Variants in DSCAML1 observed in about 807,000 individuals in gnomAD.
The protein encoded by DSCAML1 is cell adhesion molecule DSCAML1.
DSCAML1 carries 38 observed loss-of-function variants against 200.5 expected under a neutral mutation model. The ratio of observed to expected loss-of-function variants is 0.19; its 90% CI spans 0.15 to 0.25. The LOEUF is 0.25. Ranked by LOEUF, DSCAML1 falls within the 10% of genes least tolerant of loss-of-function variation. The pLI is 1.00. For missense variants in DSCAML1, 2,223 were observed against 2,858.8 expected (o/e 0.78, Z 5.07); for synonymous variants, 1,215 against 1,165.0 (o/e 1.04, Z -0.87).
At chr11:117,773,959 T>A (rs1291017169) in intron 3 of DSCAML1, among the ~76,000 whole-genome samples, 1 of 152,212 alleles carries the variant, frequency 6.6e-6, no homozygotes, top group African/African-American at 2.4e-5. Context: ...ACTTTCCTGA[T>A]AATTATGCCC....
At chr11:117,687,944 G>A (rs778912805) in intron 3 of DSCAML1, among the ~76,000 whole-genome samples, 14 of 152,190 alleles carry the variant, frequency 9.2e-5, no homozygotes, top group Non-Finnish European at 1.3e-4. Flanking sequence ...TAACAAGGAT[G>A]TCTATGGGGA....
chr11:117,688,543 G>C (rs1257194505), intron 3 of DSCAML1, among the ~76,000 whole-genome samples: 1 of 152,196 alleles, frequency 6.6e-6, no homozygotes, highest in Non-Finnish European at 1.5e-5. Flanking sequence ...CTATCTTTAA[G>C]GGAGGCAGGA....
At chr11:117,588,967 C>G (rs1257320124) in intron 3 of DSCAML1, among the ~76,000 whole-genome samples, 1 of 152,192 alleles carries the variant, frequency 6.6e-6, no homozygotes, top group African/African-American at 2.4e-5. Context: ...GAAAATGAGC[C>G]TCATCGACCC....
At chr11:117,487,217 A>G (rs2049091386) in intron 11 of DSCAML1, among the ~76,000 whole-genome samples, 1 of 152,068 alleles carries the variant, frequency 6.6e-6, no homozygotes, top group Non-Finnish European at 1.5e-5. Context: ...GAGCCACTGC[A>G]CCTGGCTGTC....
At chr11:117,633,645 G>A (rs920136728) in intron 3 of DSCAML1, among the ~76,000 whole-genome samples, 4 of 152,202 alleles carry the variant, frequency 2.6e-5, no homozygotes, top group African/African-American at 9.6e-5. Flanking sequence ...GGAGAAGAAT[G>A]TTTTCTCAAA....
At chr11:117,545,348 C>T (rs2050353543) in intron 3 of DSCAML1, among the ~76,000 whole-genome samples, 1 of 152,178 alleles carries the variant, frequency 6.6e-6, no homozygotes, top group Non-Finnish European at 1.5e-5. Context: ...AGAGAGGCCT[C>T]ACCAGAAACC....
At chr11:117,531,245 A>C (rs1203532938) in intron 4 of DSCAML1, among the ~76,000 whole-genome samples, 1 of 152,136 alleles carries the variant, frequency 6.6e-6, no homozygotes, top group African/African-American at 2.4e-5. Flanking sequence ...CACCGAGGCC[A>C]GGGGTTCAGA....
intron 19 of DSCAML1, among the ~76,000 whole-genome samples, chr11:117,454,474 A>AG (rs2048337830): frequency 6.6e-6 from 1 of 152,234 alleles, no homozygotes. Context: ...TTCAAGTATT[A>AG]GGGTTTTTTT....
chr11:117,776,151 A>T (rs2055125740), intron 3 of DSCAML1, among the ~76,000 whole-genome samples: 1 of 152,200 alleles, frequency 6.6e-6, no homozygotes. Context: ...AACCCCAGAG[A>T]GGTAAAAGGA....
intron 3 of DSCAML1, among the ~76,000 whole-genome samples, chr11:117,653,774 A>G (rs2052679951): frequency 6.6e-6 from 1 of 152,238 alleles, no homozygotes; most frequent in Admixed American, 6.5e-5. Context: ...TAGCAGCATT[A>G]CTCACAATAG....
In DSCAML1 at chr11:117,504,849, G is replaced by A. The variant is rs952140245; in HGVS notation, c.2182+75C>T. ...GATAGGAGTTGCCTGCATGGAACAG[G>A]TTCAAATCCCACAGAGCATCCTCCG... On this transcript the variant is annotated intron_variant, in intron 10 of 32. Transcript: ENST00000651296. This position sits in a 1 kb window ranked among gnomAD's most constrained non-coding sequence, Gnocchi z 5.0. The A allele has an allele frequency of 1.0e-4, 156 of 1,527,792 alleles. No individual in the cohort carries two copies. Among genetic ancestry groups the A allele is most frequent in the Admixed American group, 3.5e-4 (19 of 54,172 alleles). 94.6% of individuals were successfully genotyped at this position (1,527,792 alleles called of 1,614,324 possible).
At position 117,435,604 on chromosome 11, in the gene DSCAML1, C is replaced by T. The variant is rs761507264; in HGVS notation, c.4876+40G>A. 9.6e-6 allele frequency: 15 copies of T among 1,556,246 alleles called. No individual in the cohort carries two copies. The East Asian group carries it at 3.4e-4, about 36-fold the overall frequency. ...GGGGGGGGACAATGTGGCTGAGAGC[C>T]AACACCCCCTCCTGGAAGGCCCATA... On this transcript the variant is annotated intron_variant, in intron 27 of 32. Coordinates refer to ENST00000651296, the MANE Select transcript of DSCAML1 (RefSeq NM_020693.4).
Position 117,437,124 on chromosome 11 carries a change from C to T in DSCAML1, c.4718G>A (p.Gly1573Asp). Residue 1573 changes from glycine to aspartate, a missense_variant and splice_region_variant, in exon 26 of 33, where the codon GGC (glycine) becomes GAC (aspartate). Physicochemically the swap from Gly to Asp is moderately conservative, Grantham distance 94. This residue lies in a region of DSCAML1 where 614 missense variants were observed against 739.1 expected (regional missense o/e 0.83). Coordinates refer to ENST00000651296, the MANE Select transcript of DSCAML1 (RefSeq NM_020693.4). This position sits in a 1 kb window ranked among gnomAD's most constrained non-coding sequence, Gnocchi z 5.3. ...TAQFATLDYD[G>D]STIPPIKSAQ... ...TCCCTTCCACCCTTGCGACTCACTGCCATCGTAGTCCAGGGTGGCGAACTG... is the reference window on the plus strand; with the variant it reads ...TCCCTTCCACCCTTGCGACTCACTGTCATCGTAGTCCAGGGTGGCGAACTG... The T allele has an allele frequency of 6.2e-7, 1 of 1,611,180 alleles. No individual in the cohort carries two copies. Among genetic ancestry groups the T allele is most frequent in the African/African-American group, 1.3e-5 (1 of 75,048 alleles).
intron 3 of DSCAML1, among the ~76,000 whole-genome samples, chr11:117,555,893 G>A (rs1195334873): frequency 6.6e-6 from 1 of 151,172 alleles, no homozygotes; most frequent in Non-Finnish European, 1.5e-5. Context: ...TCTGAATGGA[G>A]TGAGGTTGGC....
intron 14 of DSCAML1, among the ~76,000 whole-genome samples, chr11:117,479,134 C>T (rs1482699549): frequency 6.6e-6 from 1 of 152,230 alleles, no homozygotes; most frequent in African/African-American, 2.4e-5. Context: ...GTGCCAGGTG[C>T]TGGAAATGCA....
chr11:117,431,013 C>T lies in DSCAML1; in HGVS notation c.5395G>A (p.Val1799Met). 1 of 1,613,020 alleles carries T rather than the reference C, an allele frequency of 6.2e-7. No individual in the cohort carries two copies. The highest frequency in any genetic ancestry group is 8.5e-7 in the Non-Finnish European group (1 of 1,179,388). Residue 1799 changes from valine to methionine, a missense_variant, in exon 32 of 33, where the codon GTG becomes ATG. Transcript: ENST00000651296. Reference protein sequence around the residue: ...QDTDKGRNSMVSTESASSTYE... With the variant: ...QDTDKGRNSMMSTESASSTYE... Reference sequence around the variant, plus strand: ...GTGGAAGAGGCACTCTCAGTGGACACCATGCTGTTCCTTCCTTTGTCTGGG... The same window carrying T: ...GTGGAAGAGGCACTCTCAGTGGACATCATGCTGTTCCTTCCTTTGTCTGGG...
intron 3 of DSCAML1, among the ~76,000 whole-genome samples, chr11:117,761,999 C>A (rs2054812756): frequency 6.6e-6 from 1 of 151,976 alleles, no homozygotes; most frequent in Non-Finnish European, 1.5e-5. Context: ...AAGTGCTGTG[C>A]TTTATTCTCC....
intron 3 of DSCAML1, among the ~76,000 whole-genome samples, chr11:117,700,356 G>A (rs1242251708): frequency 6.6e-6 from 1 of 152,150 alleles, no homozygotes; most frequent in Admixed American, 6.5e-5. Flanking sequence ...TCCAGAGAAG[G>A]TCAGACCACA....
chr11:117,559,268 C>T (rs2137410374), intron 3 of DSCAML1, among the ~76,000 whole-genome samples: 1 of 152,316 alleles, frequency 6.6e-6, no homozygotes, highest in East Asian at 1.9e-4. Flanking sequence ...GACTGAACTC[C>T]AGCCGGTCTT....
Sources: gnomAD v4.1 joint callset for allele counts (sites outside exome capture counted in the v4.1 genomes callset) on GRCh38, gnomAD v4.1.1 for gene constraint, gnomAD v4.1.1 regional missense constraint, Gnocchi (gnomAD v3.1) non-coding constraint, MANE v1.5 for transcripts, NCBI Gene and HGNC (gene_info 2026-07-23, HGNC 2026-07-21) for gene names.